ATRN: variants seen among roughly 807,000 people sequenced by gnomAD.
ATRN encodes the protein attractin-2.
In ATRN, 54 loss-of-function variants were observed where a neutral mutation model predicts 178.7. The ratio of observed to expected loss-of-function variants is 0.30; its 90% CI spans 0.24 to 0.38. The LOEUF (loss-of-function observed/expected upper bound fraction) is 0.38, where lower values mean the gene tolerates loss of function less well. ATRN is among the 10% of genes least tolerant of loss of function. The probability of loss-of-function intolerance (pLI) is 1.00; values close to 1 mark genes in which losing one functional copy is unlikely to be tolerated. For missense variants in ATRN, 1,443 were observed against 1,815.1 expected (o/e 0.79, Z 3.73); for synonymous variants, 636 against 663.0 (o/e 0.96, Z 0.63).
At chr20:3,614,386 G>A (rs2086810630) in intron 24 of ATRN, among the ~76,000 whole-genome samples, 1 of 152,184 alleles carries the variant, frequency 6.6e-6, no homozygotes, top group South Asian at 2.1e-4. Context: ...GCTCGTTCCC[G>A]ACTCTGCAAC....
chr20:3,619,028 G>A (rs2086875200), intron 24 of ATRN, among the ~76,000 whole-genome samples: 1 of 152,176 alleles, frequency 6.6e-6, no homozygotes, highest in Non-Finnish European at 1.5e-5. Context: ...GCTCCTTCTG[G>A]GCTGAGCTCT....
intron 24 of ATRN, among the ~76,000 whole-genome samples, chr20:3,621,095 C>T (rs2086893847): frequency 6.6e-6 from 1 of 151,934 alleles, no homozygotes. Flanking sequence ...GATTGGACAC[C>T]CCTATATAGA....
At chr20:3,531,775 G>A (rs2085456409) in intron 1 of ATRN, among the ~76,000 whole-genome samples, 1 of 151,972 alleles carries the variant, frequency 6.6e-6, no homozygotes, top group South Asian at 2.1e-4. Context: ...GGGTGGGTCA[G>A]AGTAACTGGG....
chr20:3,512,313 T>A (rs1468972232), intron 1 of ATRN, among the ~76,000 whole-genome samples: 3 of 137,784 alleles, frequency 2.2e-5, no homozygotes, highest in African/African-American at 8.1e-5. Context: ...TGTGTCCAGG[T>A]GTTCTCATTG....
chr20:3,634,278 G>A (rs2087009842), intron 25 of ATRN, 33 bp from the exon 26 acceptor site: 1 of 1,598,400 alleles, frequency 6.3e-7, no homozygotes, highest in Non-Finnish European at 8.6e-7. Flanking sequence ...TCTGGGGGCT[G>A]GGATAATAAC....
intron 11 of ATRN, among the ~76,000 whole-genome samples, chr20:3,571,411 T>C (rs1568736759): frequency 6.6e-6 from 1 of 152,238 alleles, no homozygotes; most frequent in Non-Finnish European, 1.5e-5. Context: ...TCTAGAAATG[T>C]GATTTCAGGT....
At chr20:3,640,587 CAAAGAG>C (rs1287639705) in intron 27 of ATRN, among the ~76,000 whole-genome samples, 1 of 152,120 alleles carries the variant, frequency 6.6e-6, no homozygotes, top group Non-Finnish European at 1.5e-5. Flanking sequence ...ACTCCAAAGA[CAAAGAG>C]AACATCTTAA....
chr20:3,508,221 C>T (rs751053795), intron 1 of ATRN, among the ~76,000 whole-genome samples: 1 of 149,072 alleles, frequency 6.7e-6, no homozygotes, highest in Non-Finnish European at 1.5e-5. Context: ...AAAAAAAAAG[C>T]AAGGACAAGA....
At chr20:3,518,026 A>G (rs2085230253) in intron 1 of ATRN, among the ~76,000 whole-genome samples, 1 of 152,112 alleles carries the variant, frequency 6.6e-6, no homozygotes, top group African/African-American at 2.4e-5. Context: ...TCTACCATCT[A>G]ATTAGATTTG....
At chr20:3,627,478 C>T (rs985309335) in intron 25 of ATRN, among the ~76,000 whole-genome samples, 3 of 152,090 alleles carry the variant, frequency 2.0e-5, no homozygotes, top group Non-Finnish European at 4.4e-5. Flanking sequence ...AATTAATGAT[C>T]TAAGGGAAGA....
rs2087040590 is a variant in ATRN, at chr20:3,638,243, T to A, written c.3943-585T>A. Among the ~76,000 whole-genome samples the A allele has an allele frequency of 6.6e-6, 1 of 152,190 alleles. No individual in the cohort carries two copies. The highest frequency in any genetic ancestry group is 6.5e-5 in the Admixed American group (1 of 15,276). ...AGCCTGTTATCTAGGTTTTAAGCCC[T>A]GCATGCATTTGGTATTTGTCCTAAT... On this transcript the variant is annotated intron_variant, in intron 26 of 28. Transcript: ENST00000262919. This position sits in a 1 kb window ranked among gnomAD's most constrained non-coding sequence, Gnocchi z 4.5.
chr20:3,644,066 GGTTCTTATAAGCACAAATGACC>G, intron 27 of ATRN, 66 bp from the exon 28 acceptor site: 1 of 978,280 alleles, frequency 1.0e-6, no homozygotes, highest in Non-Finnish European at 1.6e-6. Context: ...TGAAATTGAT[GGTTCTTATAAGCACAAATGACC>G]GTTAAGTTGT....
At chr20:3,504,688 GATA>G (rs60176330) in intron 1 of ATRN, among the ~76,000 whole-genome samples, 26,996 of 135,500 alleles carry the variant, frequency 0.2, 2,763 homozygotes, top group Middle Eastern at 0.25. Flanking sequence ...TCTGTCTTAA[GATA>G]ATAATAATAA....
chr20:3,471,155 G>C lies in ATRN; in HGVS notation c.48G>C (p.Thr16=). 6.6e-7 allele frequency: 1 copy of C among 1,506,642 alleles called. No individual in the cohort carries two copies. The highest frequency in any genetic ancestry group is 8.8e-7 in the Non-Finnish European group (1 of 1,134,470). The allele number at this position is 1,506,642 out of a possible 1,614,324, so 93.3% of individuals were successfully genotyped here. A position where few individuals can be genotyped will look rare whatever the true frequency, so the allele number is the denominator to read the frequency against. Residue 16 remains threonine (T), a synonymous_variant, in exon 1 of 29, where the codon ACG becomes ACC. Transcript: ENST00000262919. ...AATEARLRRR[T]AATAALAGRS... is the part of the protein sequence containing the mutation. Reference sequence around the variant, plus strand: ...CTGAGGCAAGGCTGAGGAGGAGGACGGCGGCGACGGCAGCGCTCGCGGGCA... The same window carrying C: ...CTGAGGCAAGGCTGAGGAGGAGGACCGCGGCGACGGCAGCGCTCGCGGGCA...
chr20:3,565,038 C>G (rs987360836), intron 10 of ATRN, among the ~76,000 whole-genome samples: 3 of 152,140 alleles, frequency 2.0e-5, no homozygotes, highest in Non-Finnish European at 2.9e-5. Flanking sequence ...GCACTCCAGC[C>G]TGGGTGACAG....
intron 10 of ATRN, among the ~76,000 whole-genome samples, chr20:3,564,404 C>T (rs913365421): frequency 2.6e-5 from 4 of 152,152 alleles, no homozygotes; most frequent in Admixed American, 2.6e-4. Flanking sequence ...CAGCACTCTC[C>T]AGGCAGAGGA....
intron 25 of ATRN, chr20:3,628,910 T>C (rs2086967432): frequency 1.0e-6 from 1 of 985,220 alleles, no homozygotes; most frequent in African/African-American, 1.7e-5. Flanking sequence ...ACCTTGACCC[T>C]GGCCGTCTTC....
At chr20:3,629,165 C>G in intron 25 of ATRN, 2 of 985,426 alleles carry the variant, frequency 2.0e-6, no homozygotes, top group Non-Finnish European at 2.4e-6. Flanking sequence ...GCATCACAGT[C>G]TCGCCTGGAC....
chr20:3,612,286 G>A (rs997407406), intron 24 of ATRN, among the ~76,000 whole-genome samples: 6 of 152,188 alleles, frequency 3.9e-5, no homozygotes, highest in Admixed American at 3.9e-4. Flanking sequence ...TATACTGCAT[G>A]ATTGCATTTA....
Sources: allele counts gnomAD v4.1 joint callset (sites outside exome capture counted in the v4.1 genomes callset), GRCh38; gene constraint gnomAD v4.1.1; non-coding constraint Gnocchi (gnomAD v3.1); transcripts MANE v1.5; gene names NCBI Gene and HGNC (gene_info 2026-07-23, HGNC 2026-07-21).